RAB3GAP1: variants seen among roughly 807,000 people sequenced by gnomAD.
RAB3GAP1 encodes the protein RAB3 GTPase activating protein catalytic subunit 1.
Under a neutral mutation model 130.7 loss-of-function variants are expected in RAB3GAP1, and 86 were observed. The ratio of observed to expected loss-of-function variants is 0.66; its 90% confidence interval spans 0.55 to 0.79. RAB3GAP1 has a LOEUF of 0.79. Ranked by LOEUF, RAB3GAP1 falls within the 30% of genes least tolerant of loss-of-function variation. RAB3GAP1 has a pLI of 0.00. For missense variants in RAB3GAP1, 1,029 were observed against 1,169.4 expected (o/e 0.88, Z 1.75); for synonymous variants, 367 against 401.7 (o/e 0.91, Z 1.03).
chr2:135,166,543 C>G (rs1404945220), intron 23 of RAB3GAP1, among the ~76,000 whole-genome samples: 1 of 152,044 alleles, frequency 6.6e-6, no homozygotes, highest in African/African-American at 2.4e-5. Context: ...GGGACGGGGT[C>G]TCACTTTGTT....
At chr2:135,147,163 T>C (rs1418126621) in intron 17 of RAB3GAP1, among the ~76,000 whole-genome samples, 1 of 151,990 alleles carries the variant, frequency 6.6e-6, no homozygotes, top group Admixed American at 6.6e-5. Flanking sequence ...CTGGCCACCA[T>C]GACGAAACCC....
At chr2:135,083,225 G>A (rs1444217484) in intron 3 of RAB3GAP1, among the ~76,000 whole-genome samples, 2 of 152,086 alleles carry the variant, frequency 1.3e-5, no homozygotes, top group Non-Finnish European at 2.9e-5. Context: ...CTATTGATGG[G>A]AATTTGAGTT....
chr2:135,117,501 T>TCTGCTTCTTCTG (rs1332089431), intron 7 of RAB3GAP1, among the ~76,000 whole-genome samples: 3 of 122,880 alleles, frequency 2.4e-5, no homozygotes, highest in Non-Finnish European at 3.4e-5. Flanking sequence ...TTCTGCTTCT[T>TCTGCTTCTTCTG]CTTCTTCTTC....
intron 3 of RAB3GAP1, among the ~76,000 whole-genome samples, chr2:135,087,326 AG>A (rs1306954708): frequency 6.6e-6 from 1 of 152,222 alleles, no homozygotes; most frequent in East Asian, 1.9e-4. Context: ...TGTTAAAATC[AG>A]GTAGTATACT....
At position 135,092,588 on chromosome 2, in the gene RAB3GAP1, C is replaced by T. The variant is rs1386886154; in HGVS notation, c.284-1027C>T. Among the ~76,000 whole-genome samples, 3 of 152,274 alleles carry T rather than the reference C, an allele frequency of 2.0e-5. No homozygotes were observed. In the East Asian group the frequency reaches 5.8e-4, roughly 29 times the overall value. ...AGTTGCTGGTATTACAGGCACCAAT[C>T]ACCATACCCAGTTAATTTTTTGTAT... On this transcript the variant is annotated intron_variant, in intron 4 of 23. Coordinates refer to ENST00000264158, the MANE Select transcript of RAB3GAP1 (RefSeq NM_012233.3).
chr2:135,157,517 TGTG>T (rs1692344484), intron 19 of RAB3GAP1, among the ~76,000 whole-genome samples: 1 of 152,044 alleles, frequency 6.6e-6, no homozygotes, highest in African/African-American at 2.4e-5. Flanking sequence ...TACTGTCAGT[TGTG>T]GTGGGGGATG....
rs200032699 is a variant in RAB3GAP1, at chr2:135,130,097, A to AT, written c.1066+19dup. ...GAGGAAGAAGGCAAAGGTAACCTAC[A>AT]TTTTTTTTTAACATTACTTTCAAAT... On this transcript the variant is annotated intron_variant, in intron 12 of 23. Transcript: ENST00000264158. 456 of 1,577,244 alleles carry AT rather than the reference A, an allele frequency of 2.9e-4. 1 individual carries two copies. Among genetic ancestry groups the AT allele is most frequent in the Middle Eastern group, 8.4e-4 (5 of 5,978 alleles).
chr2:135,071,388 A>C (rs1574082650), intron 3 of RAB3GAP1, among the ~76,000 whole-genome samples: 1 of 152,234 alleles, frequency 6.6e-6, no homozygotes, highest in Admixed American at 6.5e-5. Flanking sequence ...TGATGTTACA[A>C]AAATAGTTTG....
At chr2:135,074,805 C>T (rs369826694) in intron 3 of RAB3GAP1, among the ~76,000 whole-genome samples, 2 of 152,110 alleles carry the variant, frequency 1.3e-5, no homozygotes, top group Non-Finnish European at 1.5e-5. Context: ...AGAAAAAGCA[C>T]GAAGATACGA....
At chr2:135,104,331 T>C (rs1011137292) in intron 5 of RAB3GAP1, among the ~76,000 whole-genome samples, 7 of 152,134 alleles carry the variant, frequency 4.6e-5, no homozygotes, top group East Asian at 1.9e-4. Flanking sequence ...TATCAAAATA[T>C]AGAGTTTTCA....
At chr2:135,083,777 T>TG (rs1184705840) in intron 3 of RAB3GAP1, among the ~76,000 whole-genome samples, 9 of 149,964 alleles carry the variant, frequency 6.0e-5, no homozygotes, top group South Asian at 2.1e-4. Flanking sequence ...GTTTTTTTTT[T>TG]TTTTTTTTTT....
downstream of RAB3GAP1, among the ~76,000 whole-genome samples, chr2:135,174,949 G>T (rs974886200): frequency 3.3e-5 from 5 of 152,226 alleles, no homozygotes; most frequent in African/African-American, 1.2e-4. Context: ...CTGTCCCAGT[G>T]GCAAGTGGCT....
intron 17 of RAB3GAP1, among the ~76,000 whole-genome samples, chr2:135,143,591 T>C (rs1691909210): frequency 6.7e-6 from 1 of 148,224 alleles, no homozygotes; most frequent in African/African-American, 2.5e-5. Context: ...GGAGTCTTGC[T>C]CTGTCCCCCA....
At chr2:135,105,466 G>A (rs559227985) in intron 5 of RAB3GAP1, among the ~76,000 whole-genome samples, 229 of 152,166 alleles carry the variant, frequency 1.5e-3, no homozygotes, top group African/African-American at 5.1e-3. Flanking sequence ...GCTCCTAACC[G>A]CGAGTGATCT....
At chr2:135,052,392 G>C (rs374697133) in intron 1 of RAB3GAP1, 38 bp from the exon 2 acceptor site, 5 of 1,613,998 alleles carry the variant, frequency 3.1e-6, no homozygotes, top group African/African-American at 1.3e-5. Context: ...CTTCGCCTTG[G>C]GGCTTAATTT....
At chr2:135,106,582 C>T (rs1372072943) in intron 5 of RAB3GAP1, among the ~76,000 whole-genome samples, 1 of 151,536 alleles carries the variant, frequency 6.6e-6, no homozygotes, top group African/African-American at 2.4e-5. Context: ...ATCACCACTC[C>T]CTAATCTCAA....
At chr2:135,168,523 T>G (rs1692731139) in intron 23 of RAB3GAP1, 22 bp from the exon 24 acceptor site, 1 of 1,599,066 alleles carries the variant, frequency 6.3e-7, no homozygotes, top group African/African-American at 1.3e-5. Flanking sequence ...GCTTTTGACT[T>G]TAGCATTTGA....
Position 135,117,453 on chromosome 2 carries a change from TCTGCTTCTG to T in RAB3GAP1, c.648+2075_648+2083del, listed in dbSNP as rs1466189342. ...TTCTTCTTCTTCTTCTTCTTCTTCT[TCTGCTTCTG>T]CTTCTGCTTCTGCTTCTTCTGCTTC... On this transcript the variant is annotated intron_variant, in intron 7 of 23. Transcript: ENST00000264158. Among the ~76,000 whole-genome samples the T allele has an allele frequency of 6.5e-3, 679 of 103,846 alleles. 14 individuals carry two copies. The highest frequency in any genetic ancestry group is 0.024 in the African/African-American group (592 of 25,014). The allele number at this position is 103,846 out of a possible 152,430, so 68.1% of individuals were successfully genotyped here.
chr2:135,054,832 A>T (rs546809274), intron 2 of RAB3GAP1, among the ~76,000 whole-genome samples: 1 of 152,234 alleles, frequency 6.6e-6, no homozygotes. Flanking sequence ...TGGCTTTTAC[A>T]CTGTAGTGTG....
Sources: allele counts gnomAD v4.1 joint callset (sites outside exome capture counted in the v4.1 genomes callset), GRCh38; gene constraint gnomAD v4.1.1; transcripts MANE v1.5; gene names NCBI Gene and HGNC (gene_info 2026-07-23, HGNC 2026-07-21).